The following RBFOX3 variants were observed in gnomAD, a reference collection of about 807,000 sequenced individuals.
RBFOX3 encodes RNA binding fox-1 homolog 3.
RBFOX3 carries 17 observed loss-of-function variants against 48.7 expected under a neutral mutation model. The ratio of observed to expected loss-of-function variants is 0.35; its 90% CI spans 0.24 to 0.52. RBFOX3 has a LOEUF of 0.52. Ranked by LOEUF, RBFOX3 falls within the 20% of genes least tolerant of loss-of-function variation. The pLI, the probability that RBFOX3 is intolerant of heterozygous loss-of-function variation, is 0.94. For missense variants in RBFOX3, 382 were observed against 497.5 expected, an observed-to-expected ratio of 0.77 and a Z score of 2.21; for synonymous variants, 212 against 209.5, an observed-to-expected ratio of 1.01 and a Z score of -0.10.
At chr17:79,575,110 C>A (rs963424458) in intron 1 of RBFOX3, among the ~76,000 whole-genome samples, 3 of 152,230 alleles carry the variant, frequency 2.0e-5, no homozygotes, top group Non-Finnish European at 4.4e-5. Flanking sequence ...GGTATGGGGG[C>A]TGTGAAGCCC....
chr17:79,420,042 G>A (rs1237924444), intron 2 of RBFOX3, among the ~76,000 whole-genome samples: 1 of 151,760 alleles, frequency 6.6e-6, no homozygotes, highest in African/African-American at 2.4e-5. Context: ...CAGGAGAATC[G>A]CTTGAACCTG....
chr17:79,420,166 CACACACACA>C (rs782507585), intron 2 of RBFOX3, among the ~76,000 whole-genome samples: 1 of 135,250 alleles, frequency 7.4e-6, no homozygotes, highest in Admixed American at 7.2e-5. Flanking sequence ...CACACACACA[CACACACACA>C]AAAGATGGTT....
chr17:79,104,314 G>C (rs755088576), intron 6 of RBFOX3, among the ~76,000 whole-genome samples, 188 bp from the exon 7 acceptor site: 1 of 152,188 alleles, frequency 6.6e-6, no homozygotes, highest in African/African-American at 2.4e-5. Context: ...TTGGCCACTT[G>C]GAGAAGGCGA....
intron 4 of RBFOX3, among the ~76,000 whole-genome samples, chr17:79,149,289 A>G (rs945307969): frequency 2.0e-5 from 3 of 151,990 alleles, no homozygotes; most frequent in East Asian, 1.9e-4. Flanking sequence ...GCATCTCGGG[A>G]CCCCTCCCTG....
At chr17:79,591,734 A>T in intron 1 of RBFOX3, among the ~76,000 whole-genome samples, 1 of 152,148 alleles carries the variant, frequency 6.6e-6, no homozygotes, top group Admixed American at 6.5e-5. Context: ...GAGCAAGTCC[A>T]GGAAGCTGGT....
At chr17:79,379,877 G>A (rs924506332) in intron 2 of RBFOX3, among the ~76,000 whole-genome samples, 3 of 152,146 alleles carry the variant, frequency 2.0e-5, no homozygotes, top group Non-Finnish European at 2.9e-5. Flanking sequence ...AGCACAGAGC[G>A]GCTCTCAGGC....
At chr17:79,439,309 T>C (rs530998081) in intron 2 of RBFOX3, among the ~76,000 whole-genome samples, 4 of 152,228 alleles carry the variant, frequency 2.6e-5, no homozygotes, top group South Asian at 2.1e-4. Flanking sequence ...GCAGTGGATA[T>C]AGTTTAAGTA....
At chr17:79,325,531 C>T (rs1206479797) in intron 2 of RBFOX3, among the ~76,000 whole-genome samples, 1 of 152,148 alleles carries the variant, frequency 6.6e-6, no homozygotes, top group Non-Finnish European at 1.5e-5. Context: ...CCGATAGAGA[C>T]TTGTCCTTGG....
At chr17:79,380,805 T>C (rs1013636220) in intron 2 of RBFOX3, among the ~76,000 whole-genome samples, 28 of 152,228 alleles carry the variant, frequency 1.8e-4, no homozygotes, top group African/African-American at 6.5e-4. Flanking sequence ...ACCTCCAGCC[T>C]CCACCACACT....
At chr17:79,534,003 T>C (rs2088277446) in intron 1 of RBFOX3, among the ~76,000 whole-genome samples, 1 of 152,228 alleles carries the variant, frequency 6.6e-6, no homozygotes, top group Non-Finnish European at 1.5e-5. Flanking sequence ...CTCTATGTCA[T>C]ACCAAATCAT....
chr17:79,503,565 A>T (rs2082655547), intron 1 of RBFOX3, among the ~76,000 whole-genome samples: 1 of 152,114 alleles, frequency 6.6e-6, no homozygotes, highest in Admixed American at 6.5e-5. Context: ...TGTGTTTTAG[A>T]CACTCGGCCA....
intron 4 of RBFOX3, among the ~76,000 whole-genome samples, chr17:79,170,757 C>T (rs911675734): frequency 2.0e-5 from 3 of 152,160 alleles, no homozygotes; most frequent in Non-Finnish European, 4.4e-5. Context: ...TAAATCTGAT[C>T]CTCACTCCCT....
intron 4 of RBFOX3, among the ~76,000 whole-genome samples, chr17:79,180,811 G>T (rs1201615066): frequency 2.6e-5 from 4 of 151,204 alleles, no homozygotes; most frequent in Middle Eastern, 3.4e-3. Context: ...CAGAACAGCC[G>T]CGGGCGAGGG....
chr17:79,191,817 T>C (rs1005209542), intron 4 of RBFOX3, among the ~76,000 whole-genome samples: 1 of 151,852 alleles, frequency 6.6e-6, no homozygotes, highest in Non-Finnish European at 1.5e-5. Flanking sequence ...CAGATAAGAG[T>C]TCCTTTCTCA....
intron 3 of RBFOX3, among the ~76,000 whole-genome samples, chr17:79,306,404 T>C (rs1480869242): frequency 3.9e-5 from 6 of 152,246 alleles, no homozygotes; most frequent in Non-Finnish European, 5.9e-5. Context: ...GGAATTTGGC[T>C]GATCAAAGGA....
chr17:79,177,124 T>C (rs1187674162), intron 4 of RBFOX3, among the ~76,000 whole-genome samples: 2 of 152,066 alleles, frequency 1.3e-5, no homozygotes, highest in Non-Finnish European at 2.9e-5. Flanking sequence ...AGGTGCCACA[T>C]GGGCCTAGCC....
intron 4 of RBFOX3, among the ~76,000 whole-genome samples, chr17:79,130,123 CCT>C (rs563681650): frequency 9.7e-4 from 148 of 152,332 alleles, no homozygotes; most frequent in Middle Eastern, 3.4e-3. Context: ...CATTCTGTCC[CCT>C]GACAGCAGGT....
chr17:79,191,722 C>T (rs937261898), intron 4 of RBFOX3, among the ~76,000 whole-genome samples: 23 of 152,260 alleles, frequency 1.5e-4, no homozygotes, highest in African/African-American at 4.6e-4. Context: ...GGAGTGGGGA[C>T]GAGCATATCT....
chr17:79,513,157 C>T (rs1180172393), intron 1 of RBFOX3, among the ~76,000 whole-genome samples: 1 of 151,924 alleles, frequency 6.6e-6, no homozygotes, highest in Non-Finnish European at 1.5e-5. Context: ...GTCCTATAGC[C>T]AGGGGACATA....
Sources: gnomAD v4.1 joint callset for allele counts (sites outside exome capture counted in the v4.1 genomes callset) on GRCh38, gnomAD v4.1.1 for gene constraint, MANE v1.5 for transcripts, NCBI Gene and HGNC (gene_info 2026-07-23, HGNC 2026-07-21) for gene names.